The following SH3D21 variants were observed in gnomAD, a reference collection of about 807,000 sequenced individuals.
SH3D21 encodes SH3 domain-containing protein 21.
A neutral mutation model predicts 82.1 loss-of-function variants in SH3D21; 83 were observed. That is an observed-to-expected ratio of 1.01 (90% CI 0.85 to 1.21). The LOEUF (loss-of-function observed/expected upper bound fraction) is 1.21. Among genes scored for constraint, SH3D21 ranks in the 50% most tolerant of loss-of-function variants. SH3D21 has a pLI of 0.00. For missense variants in SH3D21, 980 were observed against 962.1 expected (o/e 1.02, Z -0.25); for synonymous variants, 383 against 387.8 (o/e 0.99, Z 0.15).
rs894610468 is a variant in SH3D21, at chr1:36,318,629, C to T, written c.770-442C>T. On this transcript the variant is annotated intron_variant, in intron 10 of 15. Coordinates refer to ENST00000453908, the MANE Select transcript of SH3D21 (RefSeq NM_001162530.2). ...CTCTACTAAAAATACAAAAATTGGC[C>T]GGGCGCAGTGGCTCACACCTGTAAT... Among the ~76,000 whole-genome samples, 9 of 151,082 alleles carry T rather than the reference C, an allele frequency of 6.0e-5. 1 individual carries two copies. Among genetic ancestry groups the T allele is most frequent in the East Asian group, 3.9e-4 (2 of 5,158 alleles).
In SH3D21 at chr1:36,307,318, A is replaced by G; in HGVS notation, c.345+33A>G. 6.5e-7 allele frequency: 1 copy of G among 1,549,518 alleles called. No individual in the cohort carries two copies. Among genetic ancestry groups the G allele is most frequent in the Non-Finnish European group, 8.7e-7 (1 of 1,145,298 alleles). Reference sequence around the variant, plus strand: ...GTGAGGTGATGGGACCGTTTGGGGGAGGATGATGGAACGCGCCTCCCTAGT... The same window carrying G: ...GTGAGGTGATGGGACCGTTTGGGGGGGGATGATGGAACGCGCCTCCCTAGT... On this transcript the variant is annotated intron_variant, in intron 4 of 15. Transcript: ENST00000453908. The surrounding 1 kb of genome is among the most constrained non-coding windows in gnomAD (Gnocchi z 5.4).
downstream of SH3D21, chr1:36,322,637 C>A (rs542369630): frequency 3.5e-4 from 537 of 1,546,240 alleles, 2 homozygotes; most frequent in East Asian, 0.013. Flanking sequence ...GGGGCGCCCA[C>A]GAGATGCTGA....
Position 36,319,282 on chromosome 1 carries a change from G to A in SH3D21, c.886G>A (p.Asp296Asn). The change falls in exon 12 of 16, where the codon GAC becomes AAC. Residue 296 changes from aspartate to asparagine, a missense_variant. Coordinates refer to ENST00000453908, the MANE Select transcript of SH3D21 (RefSeq NM_001162530.2). The stretch of plus-strand genomic sequence containing the variant: ...CAGGACATCTCGGACACCCAGCAGG[G>A]ACAGTCAGAAGCTCACCTCCCGAGA... Reference protein sequence around the residue: ...KAKTSRTPSRDSQKLTSRDSG... With the variant: ...KAKTSRTPSRNSQKLTSRDSG... 6.4e-7 allele frequency: 1 copy of A among 1,551,666 alleles called. No individual in the cohort carries two copies. The highest frequency in any genetic ancestry group is 8.7e-7 in the Non-Finnish European group (1 of 1,146,984).
chr1:36,323,090 T>A (rs781246577), downstream of SH3D21: 2 of 1,574,228 alleles, frequency 1.3e-6, no homozygotes, highest in Non-Finnish European at 8.6e-7. Flanking sequence ...CAAAGTCAGA[T>A]CCTTCTCCCA....
chr1:36,320,824 G>A lies in SH3D21; in HGVS notation c.2135+26G>A, dbSNP rs1557487545. Reference sequence around the variant, plus strand: ...GTGAGTGGGCAGTGGCGGGGGTTGTGGAAGGTAGGGTTCCCCCTAGCCCTC... The same window carrying A: ...GTGAGTGGGCAGTGGCGGGGGTTGTAGAAGGTAGGGTTCCCCCTAGCCCTC... On this transcript the variant is annotated intron_variant, in intron 14 of 15. Coordinates refer to ENST00000453908, the MANE Select transcript of SH3D21 (RefSeq NM_001162530.2). The A allele has an allele frequency of 2.6e-6, 4 of 1,550,618 alleles. No homozygotes were observed. In the South Asian group the frequency reaches 4.7e-5, roughly 18 times the overall value.
In SH3D21 at chr1:36,321,163, C is replaced by A. The variant is rs1449197605; in HGVS notation, c.*36C>A. On this transcript the variant is annotated 3_prime_UTR_variant, in exon 16 of 16. Transcript: ENST00000453908. This position sits in a 1 kb window ranked among gnomAD's most constrained non-coding sequence, Gnocchi z 6.1. ...GGGAAGGGACCGCGGCCTGACCTGGCTGGGGCCACCCACGTCCTTGCACAC... is the reference window on the plus strand; with the variant it reads ...GGGAAGGGACCGCGGCCTGACCTGGATGGGGCCACCCACGTCCTTGCACAC... 6.3e-7 allele frequency: 1 copy of A among 1,599,600 alleles called. No homozygotes were observed.
intron 10 of SH3D21, 113 bp downstream of exon 10, chr1:36,309,703 C>T: frequency 8.4e-7 from 1 of 1,186,790 alleles, no homozygotes; most frequent in South Asian, 1.5e-5. Flanking sequence ...TATAGGAGCC[C>T]CCTCACCTGT....
chr1:36,322,838 A>G, downstream of SH3D21: 2 of 1,483,664 alleles, frequency 1.3e-6, no homozygotes, highest in Non-Finnish European at 1.8e-6. Context: ...CCCTACTCGA[A>G]GGGCATTAGG....
chr1:36,329,480 ATGT>A (rs1259496415), downstream of SH3D21, among the ~76,000 whole-genome samples: 3 of 152,198 alleles, frequency 2.0e-5, no homozygotes, highest in Non-Finnish European at 2.9e-5. Flanking sequence ...CCTTTCACTT[ATGT>A]TGTGCAGGAT....
chr1:36,308,349 G>A (rs1253659269), intron 8 of SH3D21, 40 bp from the exon 9 acceptor site: 5 of 1,540,842 alleles, frequency 3.2e-6, no homozygotes, highest in Middle Eastern at 1.7e-4. Flanking sequence ...GGACCTTGGG[G>A]GACCTGGCTC....
rs1325847215 is a variant in SH3D21, at chr1:36,319,980, G to A, written c.1317G>A (p.Leu439=). The A allele has an allele frequency of 1.2e-6, 2 of 1,613,980 alleles. No homozygotes were observed. The highest frequency in any genetic ancestry group is 1.7e-6 in the Non-Finnish European group (2 of 1,180,004). ...PENSIIPEET[L]TVDKPSTPER... Reference sequence around the variant, plus strand: ...ACTCCATCATCCCAGAGGAGACCCTGACTGTGGACAAACCCTCCACTCCAG... The same window carrying A: ...ACTCCATCATCCCAGAGGAGACCCTAACTGTGGACAAACCCTCCACTCCAG... Residue 439 remains leucine (L), a synonymous_variant, in exon 14 of 16, where the codon CTG becomes CTA. Coordinates refer to ENST00000453908, the MANE Select transcript of SH3D21 (RefSeq NM_001162530.2).
chr1:36,306,712 A>T lies in SH3D21; in HGVS notation c.119A>T (p.Glu40Val), dbSNP rs946679149. Reference protein sequence around the residue: ...WVPARGWLRGEFGGRYGLFPE... With the variant: ...WVPARGWLRGVFGGRYGLFPE... ...CCCGCGCGGGGCTGGCTTCGCGGAG[A>T]GTTTGGGGGCCGCTATGGCCTCTTC... Residue 40 changes from glutamate to valine, a missense_variant, in exon 2 of 16, where the codon GAG becomes GTG. By Grantham distance (121) the Glu-to-Val change is moderately radical (BLOSUM62 -2). Coordinates refer to ENST00000453908, the MANE Select transcript of SH3D21 (RefSeq NM_001162530.2). The surrounding 1 kb of genome is among the most constrained non-coding windows in gnomAD (Gnocchi z 4.5). 7.7e-6 allele frequency: 10 copies of T among 1,291,028 alleles called. No homozygotes were observed. In the African/African-American group the frequency reaches 1.5e-4, roughly 20 times the overall value. The allele number at this position is 1,291,028 out of a possible 1,614,324, so 80.0% of individuals were successfully genotyped here. A position where few individuals can be genotyped will look rare whatever the true frequency, so the allele number is the denominator to read the frequency against.
Position 36,307,933 on chromosome 1 carries a change from T to C in SH3D21, c.508T>C (p.Tyr170His). Residue 170 changes from tyrosine to histidine, a missense_variant, in exon 7 of 16, where the codon TAT becomes CAT. By Grantham distance (83) the Tyr-to-His change is moderately conservative. Transcript: ENST00000453908. This position sits in a 1 kb window ranked among gnomAD's most constrained non-coding sequence, Gnocchi z 5.4. ...CCCCCACTAGCTGAGCAGCCTGGCC[T>C]ATGACAGCCCTCCAGACTACCTGCA... ...QRPPKLSSLA[Y>H]DSPPDYLQTV... 2 of 1,551,744 alleles carry C rather than the reference T, an allele frequency of 1.3e-6. No individual in the cohort carries two copies. Among genetic ancestry groups the C allele is most frequent in the Non-Finnish European group, 8.7e-7 (1 of 1,147,000 alleles).
At chr1:36,312,189 T>A (rs1324464956) in intron 10 of SH3D21, among the ~76,000 whole-genome samples, 3 of 151,860 alleles carry the variant, frequency 2.0e-5, no homozygotes, top group Non-Finnish European at 4.4e-5. Context: ...CACGCCCGGC[T>A]AATTTTTTGT....
chr1:36,320,659 T>C lies in SH3D21; in HGVS notation c.1996T>C (p.Ser666Pro), dbSNP rs1156362954. The C allele has an allele frequency of 3.1e-6, 5 of 1,614,200 alleles. No homozygotes were observed. Residue 666 changes from serine to proline, a missense_variant, in exon 14 of 16, where the codon TCC becomes CCC. Transcript: ENST00000453908. The stretch of plus-strand genomic sequence containing the variant: ...ACGTCCTATCAAGCCGCCTCCAGAC[T>C]CCCAAGAGACGCTCGCGCTCCCCTC... ...KTRPIKPPPD[S>P]QETLALPSLV... is the part of the protein sequence containing the mutation.
Position 36,319,791 on chromosome 1 carries a change from G to T in SH3D21, c.1128G>T (p.Lys376Asn). The T allele has an allele frequency of 6.2e-7, 1 of 1,613,676 alleles. No individual in the cohort carries two copies. The highest frequency in any genetic ancestry group is 1.3e-5 in the African/African-American group (1 of 74,924). The change falls in exon 14 of 16, where the codon AAG becomes AAT. Residue 376 changes from lysine to asparagine, a missense_variant. Transcript: ENST00000453908. ...CAGAGAACGCCCCCAGCTCCAAGAAGATCCCGGCTCCTGACAAAGTCCCCT... is the reference window on the plus strand; with the variant it reads ...CAGAGAACGCCCCCAGCTCCAAGAATATCCCGGCTCCTGACAAAGTCCCCT... ...PAPENAPSSKKIPAPDKVPSP... is the reference protein window; with the variant it reads ...PAPENAPSSKNIPAPDKVPSP...
downstream of SH3D21, among the ~76,000 whole-genome samples, chr1:36,325,757 G>T (rs150805656): frequency 0.083 from 12,692 of 152,190 alleles, 752 homozygotes; most frequent in Middle Eastern, 0.23. Flanking sequence ...TGTTAGCCAG[G>T]ATGGTCTCGA....
chr1:36,330,163 G>C (rs576613318), downstream of SH3D21, among the ~76,000 whole-genome samples: 15 of 152,320 alleles, frequency 9.8e-5, no homozygotes. Flanking sequence ...CCCTGCTGCA[G>C]TCTGTAAGCA....
Position 36,320,099 on chromosome 1 carries a change from C to T in SH3D21, c.1436C>T (p.Ala479Val). 1.2e-6 allele frequency: 2 copies of T among 1,613,984 alleles called. No individual in the cohort carries two copies. The highest frequency in any genetic ancestry group is 8.5e-7 in the Non-Finnish European group (1 of 1,180,000). Residue 479 changes from alanine to valine, a missense_variant, in exon 14 of 16, where the codon GCC becomes GTC. Ala to Val is a moderately conservative substitution (Grantham distance 64, BLOSUM62 0). Coordinates refer to ENST00000453908, the MANE Select transcript of SH3D21 (RefSeq NM_001162530.2). ...AAGATGGCCCCTCTGGGGGATGAGG[C>T]CCCCACTCTAGAAAAGGTCTTGACC... ...NPKMAPLGDE[A>V]PTLEKVLTPE...
Sources: gnomAD v4.1 joint callset for allele counts (sites outside exome capture counted in the v4.1 genomes callset) on GRCh38, gnomAD v4.1.1 for gene constraint, Gnocchi (gnomAD v3.1) non-coding constraint, MANE v1.5 for transcripts, NCBI Gene and HGNC (gene_info 2026-07-23, HGNC 2026-07-21) for gene names.